LRRTM4: variants seen among roughly 807,000 people sequenced by gnomAD.
LRRTM4 encodes the protein leucine-rich repeat transmembrane neuronal protein 4.
A neutral mutation model predicts 47.6 loss-of-function variants in LRRTM4; 25 were observed. That is an observed-to-expected ratio of 0.53 (90% CI 0.38 to 0.73). The LOEUF is 0.73. LRRTM4 is among the 30% of genes least tolerant of loss of function. The pLI, the probability that LRRTM4 is intolerant of heterozygous loss-of-function variation, is 0.00. For missense variants in LRRTM4, 638 were observed against 713.4 expected (o/e 0.89, Z 1.20); for synonymous variants, 311 against 269.5 (o/e 1.15, Z -1.51).
At chr2:77,009,487 C>T (rs7591191) in intron 3 of LRRTM4, 2 of 151,880 alleles carry the variant, frequency 1.3e-5, no homozygotes, top group Non-Finnish European at 2.9e-5. Flanking sequence ...TCCTTCAAAG[C>T]GTCTTATGGA....
In LRRTM4 at chr2:77,464,350, TAGAA is replaced by T. The variant is rs534683657; in HGVS notation, c.1551+53964_1551+53967del. On this transcript the variant is annotated intron_variant, in intron 3 of 3. Coordinates refer to ENST00000409884, the MANE Select transcript of LRRTM4 (RefSeq NM_001134745.3). Reference sequence around the variant, plus strand: ...TTTGGTTTAAGACAGTACTGTCTAATAGAAAGATAATGTGAATCACATATATAAT... The same window carrying T: ...TTTGGTTTAAGACAGTACTGTCTAATAGATAATGTGAATCACATATATAAT... Among the ~76,000 whole-genome samples the T allele has an allele frequency of 1.3e-3, 194 of 152,194 alleles. 1 individual carries two copies. Among genetic ancestry groups the T allele is most frequent in the Middle Eastern group, 6.8e-3 (2 of 294 alleles).
At chr2:77,108,733 G>A (rs965823156) in intron 3 of LRRTM4, among the ~76,000 whole-genome samples, 23 of 151,680 alleles carry the variant, frequency 1.5e-4, no homozygotes, top group Middle Eastern at 3.4e-3. Context: ...ACAGGCGCCC[G>A]CCACCACGCC....
At chr2:77,066,208 A>G (rs1372653999) in intron 3 of LRRTM4, among the ~76,000 whole-genome samples, 2 of 152,124 alleles carry the variant, frequency 1.3e-5, no homozygotes, top group African/African-American at 2.4e-5. Context: ...ATTAATTTCT[A>G]TTTTTGTGAC....
intron 3 of LRRTM4, among the ~76,000 whole-genome samples, chr2:77,242,667 T>C (rs548622643): frequency 1.6e-4 from 23 of 143,728 alleles, no homozygotes; most frequent in Non-Finnish European, 2.9e-4. Context: ...CAAAACAAAA[T>C]AAAACCAAAG....
intron 3 of LRRTM4, among the ~76,000 whole-genome samples, chr2:77,262,975 G>A (rs1169875725): frequency 3.3e-5 from 5 of 152,026 alleles, no homozygotes; most frequent in African/African-American, 9.7e-5. Flanking sequence ...TGGGAGGTTG[G>A]TTGCCAAGGG....
chr2:77,175,352 A>T (rs1673165190), intron 3 of LRRTM4, among the ~76,000 whole-genome samples: 1 of 152,148 alleles, frequency 6.6e-6, no homozygotes, highest in Middle Eastern at 3.4e-3. Flanking sequence ...TGGAACTCCA[A>T]GCTCTGTGCT....
Position 77,029,476 on chromosome 2 carries a change from T to C in LRRTM4, c.1552-280560A>G, listed in dbSNP as rs140166907. Among the ~76,000 whole-genome samples the C allele has an allele frequency of 2.1e-3, 313 of 152,172 alleles. 1 individual carries two copies. Among genetic ancestry groups the C allele is most frequent in the Non-Finnish European group, 3.2e-3 (220 of 68,012 alleles). On this transcript the variant is annotated intron_variant, in intron 3 of 3. Transcript: ENST00000409884. ...GTCTGATGTTCGAGAGCAGGAAGCA[T>C]GCAGCATGGGAGAAAGATGAAGGCC...
chr2:77,221,563 C>G (rs576563311), intron 3 of LRRTM4, among the ~76,000 whole-genome samples: 7,628 of 151,998 alleles, frequency 0.05, 633 homozygotes, highest in African/African-American at 0.17. Flanking sequence ...ATCCTACTCT[C>G]TGATAAAACA....
At chr2:76,797,561 C>G (rs930848446) in intron 3 of LRRTM4, among the ~76,000 whole-genome samples, 1 of 151,594 alleles carries the variant, frequency 6.6e-6, no homozygotes, top group African/African-American at 2.4e-5. Flanking sequence ...CATCAACTAA[C>G]CAGCAAAAGA....
chr2:76,873,635 G>A (rs1195592945), intron 3 of LRRTM4, among the ~76,000 whole-genome samples: 1 of 150,246 alleles, frequency 6.7e-6, no homozygotes, highest in African/African-American at 2.5e-5. Flanking sequence ...TTAATACTTT[G>A]CCCCATCTTT....
chr2:77,106,143 T>C (rs1362894029), intron 3 of LRRTM4, among the ~76,000 whole-genome samples: 1 of 152,224 alleles, frequency 6.6e-6, no homozygotes, highest in Non-Finnish European at 1.5e-5. Flanking sequence ...TAAAGAGGCC[T>C]TCCCTGACCT....
intron 3 of LRRTM4, among the ~76,000 whole-genome samples, chr2:77,322,874 T>G (rs1002562904): frequency 6.6e-6 from 1 of 151,304 alleles, no homozygotes; most frequent in Admixed American, 6.6e-5. Context: ...GCTTATTGTA[T>G]GTAACCAGTT....
chr2:77,388,750 G>GT (rs1448903348), intron 3 of LRRTM4, among the ~76,000 whole-genome samples: 1 of 151,832 alleles, frequency 6.6e-6, no homozygotes, highest in African/African-American at 2.4e-5. Flanking sequence ...TGGTGAATCT[G>GT]TTTTATGCCA....
intron 3 of LRRTM4, among the ~76,000 whole-genome samples, chr2:77,100,846 C>CTTTTTT (rs752749316): frequency 8.1e-5 from 10 of 122,966 alleles, no homozygotes; most frequent in African/African-American, 9.1e-5. Context: ...AGCTCTGATT[C>CTTTTTT]TTTTTTTTTT....
At chr2:77,124,679 A>G (rs1260483843) in intron 3 of LRRTM4, among the ~76,000 whole-genome samples, 1 of 152,086 alleles carries the variant, frequency 6.6e-6, no homozygotes, top group East Asian at 1.9e-4. Context: ...CCTTGAAGGG[A>G]ATAATAATAT....
chr2:77,007,181 C>T (rs62170865), intron 3 of LRRTM4, among the ~76,000 whole-genome samples: 18,832 of 151,848 alleles, frequency 0.12, 1,438 homozygotes, highest in Admixed American at 0.2. Context: ...CACACACACA[C>T]GCATATATAT....
intron 3 of LRRTM4, among the ~76,000 whole-genome samples, chr2:77,138,336 C>A (rs991116406): frequency 6.6e-6 from 1 of 152,180 alleles, no homozygotes; most frequent in Admixed American, 6.5e-5. Context: ...AACCACTCAA[C>A]TACATGGAAA....
At chr2:77,428,239 AGTT>A (rs766364937) in intron 3 of LRRTM4, among the ~76,000 whole-genome samples, 7 of 152,192 alleles carry the variant, frequency 4.6e-5, no homozygotes, top group Non-Finnish European at 1.0e-4. Context: ...AGTCTTGGGC[AGTT>A]GTTTACAGAA....
At chr2:76,854,874 A>C (rs563534591) in intron 3 of LRRTM4, among the ~76,000 whole-genome samples, 1 of 151,990 alleles carries the variant, frequency 6.6e-6, no homozygotes, top group East Asian at 1.9e-4. Context: ...AACAATCAAC[A>C]TAACAGATAA....
Sources: allele counts gnomAD v4.1 joint callset (sites outside exome capture counted in the v4.1 genomes callset), GRCh38; gene constraint gnomAD v4.1.1; transcripts MANE v1.5; gene names NCBI Gene and HGNC (gene_info 2026-07-23, HGNC 2026-07-21).